Variants in CHD6 observed in about 807,000 individuals in gnomAD.
CHD6 encodes the protein chromodomain helicase DNA binding protein 6, also known as ATP-dependent chromatin remodeler CHD6.
CHD6 carries 50 observed loss-of-function variants against 276.9 expected under a neutral mutation model. The observed-to-expected ratio is 0.18, with a 90% CI of 0.14 to 0.23. The LOEUF is 0.23. CHD6 is among the 10% of genes least tolerant of loss of function. CHD6 has a pLI of 1.00. For missense variants in CHD6, 2,564 were observed against 3,365.8 expected, an observed-to-expected ratio of 0.76 and a Z score of 5.89; for synonymous variants, 1,173 against 1,229.3, an observed-to-expected ratio of 0.95 and a Z score of 0.96.
chr20:41,435,379 T>G (rs2047673650), intron 27 of CHD6, among the ~76,000 whole-genome samples: 1 of 152,042 alleles, frequency 6.6e-6, no homozygotes, highest in Admixed American at 6.6e-5. Context: ...GAGGATTGCT[T>G]GAACTCAGGA....
intron 16 of CHD6, among the ~76,000 whole-genome samples, chr20:41,479,084 C>T (rs2043232003): frequency 2.0e-5 from 3 of 151,804 alleles, no homozygotes; most frequent in South Asian, 4.2e-4. Flanking sequence ...ATAGAGTGTG[C>T]TTAATAAGCA....
intron 5 of CHD6, 118 bp from the exon 6 acceptor site, chr20:41,499,475 A>AAGGCCTCC (rs1278679904): frequency 4.0e-6 from 3 of 758,790 alleles, no homozygotes; most frequent in Non-Finnish European, 6.2e-6. Flanking sequence ...TTTGAGTACC[A>AAGGCCTCC]AGGCCTCCCA....
chr20:41,571,857 T>G (rs1002721350), intron 1 of CHD6, among the ~76,000 whole-genome samples: 3 of 152,188 alleles, frequency 2.0e-5, no homozygotes, highest in African/African-American at 7.2e-5. Context: ...CTTCACAAAC[T>G]GCACACAGCT....
chr20:41,535,298 C>T (rs541509528), intron 2 of CHD6, among the ~76,000 whole-genome samples: 67 of 152,310 alleles, frequency 4.4e-4, no homozygotes, highest in African/African-American at 9.9e-4. Flanking sequence ...TACACTAGGG[C>T]TTCTGCAAGG....
Position 41,499,337 on chromosome 20 carries a change from T to C in CHD6, c.873A>G (p.Ala291=), listed in dbSNP as rs1265758704. The change falls in exon 6 of 37, where the codon GCA becomes GCG. Residue 291 remains alanine, a synonymous_variant. Transcript: ENST00000373233. ...WQAEEPPEDD[A]NIIEKILASK... is the part of the protein sequence containing the mutation. ...ATGCCAGGATCTTCTCAATGATGTT[T>C]GCATCATCTTCTGGAGGCTCCTGGG... is the stretch of plus-strand genomic sequence containing the variant. 1.9e-6 allele frequency: 3 copies of C among 1,605,188 alleles called. No homozygotes were observed. Among genetic ancestry groups the C allele is most frequent in the African/African-American group, 1.3e-5 (1 of 74,648 alleles).
intron 5 of CHD6, among the ~76,000 whole-genome samples, chr20:41,507,494 G>A (rs866173772): frequency 3.9e-5 from 6 of 152,068 alleles, no homozygotes; most frequent in Non-Finnish European, 5.9e-5. Flanking sequence ...TTATCCTAAT[G>A]AAACGAAAAG....
intron 3 of CHD6, among the ~76,000 whole-genome samples, chr20:41,521,576 T>C (rs2044397722): frequency 6.6e-6 from 1 of 152,014 alleles, no homozygotes; most frequent in Admixed American, 6.5e-5. Flanking sequence ...TATATGTATA[T>C]ATGTGTGTAC....
chr20:41,539,186 T>C (rs1601114172), intron 2 of CHD6, among the ~76,000 whole-genome samples: 1 of 152,214 alleles, frequency 6.6e-6, no homozygotes, highest in African/African-American at 2.4e-5. Context: ...TGACTGAACA[T>C]GCGTGCCCTG....
intron 36 of CHD6, among the ~76,000 whole-genome samples, chr20:41,411,526 C>T (rs951500724): frequency 2.0e-5 from 3 of 152,176 alleles, no homozygotes; most frequent in African/African-American, 7.2e-5. Flanking sequence ...TCTGCCCAAA[C>T]TCAACACATT....
At chr20:41,499,175 T>C in intron 6 of CHD6, 120 bp downstream of exon 6, 1 of 684,160 alleles carries the variant, frequency 1.5e-6, no homozygotes, top group Admixed American at 3.1e-5. Context: ...CCAGACAATA[T>C]TCTTGCCTAG....
intron 2 of CHD6, chr20:41,547,451 T>C (rs2045064160): frequency 3.2e-6 from 1 of 316,612 alleles, no homozygotes; most frequent in Non-Finnish European, 6.2e-6. Context: ...CCAATGAGAT[T>C]AGAGTCGTAT....
In CHD6 at chr20:41,439,928, G is replaced by C; in HGVS notation, c.4007+72C>G. Reference sequence around the variant, plus strand: ...GCTGAGGAAGAGATAAAGAGTGCTGGGTTTATGAGGAAGGGGTCACAGATC... The same window carrying C: ...GCTGAGGAAGAGATAAAGAGTGCTGCGTTTATGAGGAAGGGGTCACAGATC... On this transcript the variant is annotated intron_variant, in intron 26 of 36. Coordinates refer to ENST00000373233, the MANE Select transcript of CHD6 (RefSeq NM_032221.5). 4 of 1,506,696 alleles carry C rather than the reference G, an allele frequency of 2.7e-6. No homozygotes were observed. In the South Asian group the frequency reaches 3.5e-5, roughly 13 times the overall value. The allele number at this position is 1,506,696 out of a possible 1,614,324, so 93.3% of individuals were successfully genotyped here. A position where few individuals can be genotyped will look rare whatever the true frequency, so the allele number is the denominator to read the frequency against.
chr20:41,609,476 C>G (rs988272312), intron 1 of CHD6, among the ~76,000 whole-genome samples: 1 of 152,190 alleles, frequency 6.6e-6, no homozygotes, highest in Non-Finnish European at 1.5e-5. Context: ...ACCCTTACAA[C>G]AGAATTAATG....
chr20:41,547,796 C>T (rs1359762962), intron 2 of CHD6: 3 of 515,046 alleles, frequency 5.8e-6, no homozygotes, highest in African/African-American at 5.8e-5. Flanking sequence ...CCAGAGAACT[C>T]TCTGGAACTA....
intron 1 of CHD6, among the ~76,000 whole-genome samples, chr20:41,586,214 T>C (rs2045592719): frequency 6.6e-6 from 1 of 152,218 alleles, no homozygotes; most frequent in Non-Finnish European, 1.5e-5. Flanking sequence ...TCCGTGTTTG[T>C]TCCGGCTCAA....
chr20:41,559,931 C>G (rs2045284059), intron 1 of CHD6, among the ~76,000 whole-genome samples: 2 of 152,054 alleles, frequency 1.3e-5, no homozygotes, highest in Non-Finnish European at 2.9e-5. Context: ...TGTTCCCCAT[C>G]AGAGGTTAAT....
At chr20:41,448,582 AG>A (rs571959791) in intron 23 of CHD6, among the ~76,000 whole-genome samples, 181 of 152,318 alleles carry the variant, frequency 1.2e-3, no homozygotes, top group Middle Eastern at 3.4e-3. Context: ...ATATAACAAA[AG>A]TAATGCCTTT....
rs150163735 is a variant in CHD6, at chr20:41,573,161, G to A, written c.-23-21801C>T. ...CCTGACCTCGTGATCCACCCGCCTC[G>A]GCCTCCCAAAGTGCTGGGATTACAG... On this transcript the variant is annotated intron_variant, in intron 1 of 36. Coordinates refer to ENST00000373233, the MANE Select transcript of CHD6 (RefSeq NM_032221.5). Among the ~76,000 whole-genome samples the A allele has an allele frequency of 7.2e-5, 11 of 152,120 alleles. No homozygotes were observed. The East Asian group carries it at 1.4e-3, about 19-fold the overall frequency.
At chr20:41,455,241 C>T (rs1380949748) in intron 19 of CHD6, among the ~76,000 whole-genome samples, 2 of 152,178 alleles carry the variant, frequency 1.3e-5, no homozygotes, top group African/African-American at 4.8e-5. Flanking sequence ...TTTAATCAAA[C>T]AGGTCACAAA....
Sources: allele counts gnomAD v4.1 joint callset (sites outside exome capture counted in the v4.1 genomes callset), GRCh38; gene constraint gnomAD v4.1.1; transcripts MANE v1.5; gene names NCBI Gene and HGNC (gene_info 2026-07-23, HGNC 2026-07-21).